TAX1BP1: variants seen among roughly 807,000 people sequenced by gnomAD.
The protein encoded by TAX1BP1 is Tax1 binding protein 1, also known as tax1-binding protein 1.
In TAX1BP1, 62 loss-of-function variants were observed where a neutral mutation model predicts 97.7. That is an observed-to-expected ratio of 0.63 (90% CI 0.52 to 0.78). The LOEUF (loss-of-function observed/expected upper bound fraction) is 0.78, where lower values mean the gene tolerates loss of function less well. Ranked by LOEUF, TAX1BP1 falls within the 30% of genes least tolerant of loss-of-function variation. TAX1BP1 has a pLI of 0.00. For synonymous variants in TAX1BP1, 340 were observed against 304.2 expected, an observed-to-expected ratio of 1.12 and a Z score of -1.23; for missense variants, 867 against 916.1, an observed-to-expected ratio of 0.95 and a Z score of 0.69.
intron 1 of TAX1BP1, 65 bp from the exon 2 acceptor site, chr7:27,748,453 T>G (rs1428374247): frequency 3.5e-6 from 4 of 1,140,140 alleles, no homozygotes; most frequent in Non-Finnish European, 3.5e-6. Flanking sequence ...ATATTATGTA[T>G]TTTCTGAAGG....
At chr7:27,802,046 C>T (rs777557250) in intron 13 of TAX1BP1, among the ~76,000 whole-genome samples, 1 of 152,148 alleles carries the variant, frequency 6.6e-6, no homozygotes, top group African/African-American at 2.4e-5. Context: ...CATTAAGACA[C>T]GTTTGGAGTT....
At chr7:27,772,551 AAAAAT>A (rs1373396280) in intron 5 of TAX1BP1, 3 of 151,988 alleles carry the variant, frequency 2.0e-5, no homozygotes, top group Admixed American at 6.6e-5. Flanking sequence ...ATACTTGACA[AAAAAT>A]AAAAGTGAAT....
chr7:27,748,502 G>T lies in TAX1BP1; in HGVS notation c.-7-16G>T. 1 of 1,555,318 alleles carries T rather than the reference G, an allele frequency of 6.4e-7. No homozygotes were observed. On this transcript the variant is annotated splice_polypyrimidine_tract_variant and intron_variant, in intron 1 of 16. Coordinates refer to ENST00000396319, the MANE Select transcript of TAX1BP1 (RefSeq NM_006024.7). Reference sequence around the variant, plus strand: ...TTAGTTGGTATAATTTAACTTGTATGAATTACTTGTTTCAGATTCACAATG... The same window carrying T: ...TTAGTTGGTATAATTTAACTTGTATTAATTACTTGTTTCAGATTCACAATG...
chr7:27,756,192 T>G (rs1378251208), intron 2 of TAX1BP1, among the ~76,000 whole-genome samples: 1 of 152,190 alleles, frequency 6.6e-6, no homozygotes, highest in Non-Finnish European at 1.5e-5. Flanking sequence ...TCCAGTATTA[T>G]CCACTCTAGC....
intron 11 of TAX1BP1, among the ~76,000 whole-genome samples, chr7:27,794,703 G>C (rs536286494): frequency 6.6e-6 from 1 of 152,300 alleles, no homozygotes; most frequent in Non-Finnish European, 1.5e-5. Context: ...TGTTAAAAAT[G>C]AGCTGGTGCT....
chr7:27,745,903 T>G (rs534242958), intron 1 of TAX1BP1, among the ~76,000 whole-genome samples: 1 of 152,044 alleles, frequency 6.6e-6, no homozygotes, highest in Non-Finnish European at 1.5e-5. Flanking sequence ...TAGTGTATAC[T>G]TCTTGAGTTC....
At chr7:27,771,838 T>C (rs1427354927) in intron 5 of TAX1BP1, 2 of 152,004 alleles carry the variant, frequency 1.3e-5, no homozygotes, top group Non-Finnish European at 1.5e-5. Context: ...TAGAAAAAAA[T>C]TGACAAAGGA....
chr7:27,769,963 T>G, intron 5 of TAX1BP1, 129 bp downstream of exon 5: 1 of 808,560 alleles, frequency 1.2e-6, no homozygotes, highest in Non-Finnish European at 2.0e-6. Context: ...AGATAGACGT[T>G]TATACAAGAA....
intron 13 of TAX1BP1, among the ~76,000 whole-genome samples, chr7:27,803,523 T>C (rs752554902): frequency 1.4e-4 from 21 of 152,364 alleles, no homozygotes; most frequent in Middle Eastern, 6.8e-3. Flanking sequence ...ACAATTTTCA[T>C]AATAATACTA....
At chr7:27,826,972 G>A (rs62451070) in intron 15 of TAX1BP1, among the ~76,000 whole-genome samples, 14,978 of 152,230 alleles carry the variant, frequency 0.098, 807 homozygotes, top group South Asian at 0.12. Context: ...TGCAATGGAT[G>A]TATCTTGTCA....
At position 27,828,964 on chromosome 7, in the gene TAX1BP1, C is replaced by CT. The variant is rs1782593852; in HGVS notation, c.*138dup. 3.1e-6 allele frequency: 2 copies of CT among 653,548 alleles called. No individual in the cohort carries two copies. Among genetic ancestry groups the CT allele is most frequent in the Non-Finnish European group, 5.0e-6 (2 of 402,578 alleles). The allele number at this position is 653,548 out of a possible 1,614,324, so 40.5% of individuals were successfully genotyped here. On this transcript the variant is annotated 3_prime_UTR_variant, in exon 17 of 17. Transcript: ENST00000396319. The stretch of plus-strand genomic sequence containing the variant: ...TACTGCACTTTCTGACCAGGAGCTA[C>CT]TTTGAGTTTGGTGTTACTAGGATCA...
In TAX1BP1 at chr7:27,748,652, A is replaced by T. The variant is rs1265159514; in HGVS notation, c.128A>T (p.His43Leu). 1.9e-6 allele frequency: 3 copies of T among 1,566,028 alleles called. No individual in the cohort carries two copies. The highest frequency in any genetic ancestry group is 1.7e-6 in the Non-Finnish European group (2 of 1,152,352). The change falls in exon 2 of 17, where the codon CAT (histidine) becomes CTT (leucine). Residue 43 changes from histidine (H) to leucine (L), a missense_variant. His to Leu is a moderately conservative substitution (Grantham distance 99). Coordinates refer to ENST00000396319, the MANE Select transcript of TAX1BP1 (RefSeq NM_006024.7). ...CATTACACCTTAACTCCATATATTCATCCACATCCAAAAGATTGGGTTGGT... is the reference window on the plus strand; with the variant it reads ...CATTACACCTTAACTCCATATATTCTTCCACATCCAAAAGATTGGGTTGGT... ...ECHYTLTPYI[H>L]PHPKDWVGIF...
intron 14 of TAX1BP1, 101 bp from the exon 15 acceptor site, chr7:27,816,789 A>G: frequency 1.4e-6 from 2 of 1,417,628 alleles, no homozygotes; most frequent in Non-Finnish European, 1.9e-6. Flanking sequence ...TTTTTTTCAC[A>G]TGCCAAAGTG....
chr7:27,820,145 C>T (rs1191416372), intron 15 of TAX1BP1, among the ~76,000 whole-genome samples: 1 of 152,230 alleles, frequency 6.6e-6, no homozygotes, highest in Non-Finnish European at 1.5e-5. Context: ...AGATTATTAT[C>T]TCTTCCCTTA....
At chr7:27,744,657 A>G (rs1034416370) in intron 1 of TAX1BP1, among the ~76,000 whole-genome samples, 2 of 152,316 alleles carry the variant, frequency 1.3e-5, no homozygotes, top group Non-Finnish European at 1.5e-5. Flanking sequence ...TTTTTGGGCT[A>G]AAGTAAAACA....
chr7:27,740,734 G>A (rs61089915), intron 1 of TAX1BP1, among the ~76,000 whole-genome samples: 1 of 152,230 alleles, frequency 6.6e-6, no homozygotes, highest in Non-Finnish European at 1.5e-5. Context: ...GAAGGACGCT[G>A]GGGTTTGCCT....
At position 27,770,504 on chromosome 7, in the gene TAX1BP1, A is replaced by G. The variant is rs561950608; in HGVS notation, c.612+670A>G. On this transcript the variant is annotated intron_variant, in intron 5 of 16. Transcript: ENST00000396319. ...AAACTTACACAGACTGTGATCTTAT[A>G]TATTACAGTCTCATGTACAGTAGAG... Among the ~76,000 whole-genome samples the G allele has an allele frequency of 3.1e-4, 47 of 152,220 alleles. No homozygotes were observed. The South Asian group carries it at 3.7e-3, about 12-fold the overall frequency.
chr7:27,814,094 CCTTT>C (rs1407042225), intron 13 of TAX1BP1, among the ~76,000 whole-genome samples: 1 of 143,214 alleles, frequency 7.0e-6, no homozygotes, highest in Non-Finnish European at 1.5e-5. Flanking sequence ...CCGCACTTGG[CCTTT>C]TTTTTTTTTT....
intron 13 of TAX1BP1, among the ~76,000 whole-genome samples, chr7:27,814,984 G>T (rs1344910700): frequency 6.6e-6 from 1 of 152,080 alleles, no homozygotes; most frequent in Non-Finnish European, 1.5e-5. Flanking sequence ...TGATCCATCC[G>T]CCTCGGGCTC....
Sources: allele counts gnomAD v4.1 joint callset (sites outside exome capture counted in the v4.1 genomes callset), GRCh38; gene constraint gnomAD v4.1.1; transcripts MANE v1.5; gene names NCBI Gene and HGNC (gene_info 2026-07-23, HGNC 2026-07-21).